The following RBFOX1 variants were observed in gnomAD, a reference collection of about 807,000 sequenced individuals.
RBFOX1 encodes the protein RNA binding fox-1 homolog 1.
Under a neutral mutation model 57.7 loss-of-function variants are expected in RBFOX1, and 8 were observed. The observed-to-expected ratio is 0.14, with a 90% CI of 0.08 to 0.25. RBFOX1 has a LOEUF of 0.25. Ranked by LOEUF, RBFOX1 falls within the 10% of genes least tolerant of loss-of-function variation. The probability of loss-of-function intolerance (pLI) is 1.00; values close to 1 mark genes in which losing one functional copy is unlikely to be tolerated. For missense variants in RBFOX1, 611 were observed against 548.5 expected, an observed-to-expected ratio of 1.11 and a Z score of -1.14; for synonymous variants, 326 against 222.4, an observed-to-expected ratio of 1.47 and a Z score of -4.15.
At chr16:6,748,644 G>T (rs183221757) in intron 3 of RBFOX1, among the ~76,000 whole-genome samples, 1 of 152,280 alleles carries the variant, frequency 6.6e-6, no homozygotes, top group Admixed American at 6.5e-5. Context: ...GAGCAACAAG[G>T]CAAGATCCTG....
chr16:7,546,936 AATGCAC>A (rs2084718376), intron 5 of RBFOX1, among the ~76,000 whole-genome samples: 1 of 152,156 alleles, frequency 6.6e-6, no homozygotes, highest in Admixed American at 6.5e-5. Flanking sequence ...AAAGAGTAAA[AATGCAC>A]ATTTTTTAAG....
intron 3 of RBFOX1, among the ~76,000 whole-genome samples, chr16:6,724,253 A>G (rs2066653826): frequency 7.4e-6 from 1 of 134,610 alleles, no homozygotes; most frequent in Non-Finnish European, 1.5e-5. Flanking sequence ...CTTGTCACCC[A>G]TGCTGGTGTG....
intron 3 of RBFOX1, among the ~76,000 whole-genome samples, chr16:5,616,628 C>G (rs1428114326): frequency 6.8e-6 from 1 of 147,714 alleles, no homozygotes; most frequent in Non-Finnish European, 1.5e-5. Context: ...CTCTCTCTCC[C>G]TCCTCCTCCT....
chr16:7,084,389 A>G (rs947617634), intron 4 of RBFOX1, among the ~76,000 whole-genome samples: 2 of 152,180 alleles, frequency 1.3e-5, no homozygotes, highest in African/African-American at 4.8e-5. Flanking sequence ...TATTTGAACA[A>G]ATAATCTTGC....
chr16:6,885,024 T>C (rs1567711355), intron 3 of RBFOX1, among the ~76,000 whole-genome samples: 1 of 152,226 alleles, frequency 6.6e-6, no homozygotes, highest in Non-Finnish European at 1.5e-5. Flanking sequence ...ACTGTCATGT[T>C]TTAGAAAAGC....
chr16:7,219,275 T>C (rs1281515419), intron 4 of RBFOX1, among the ~76,000 whole-genome samples: 1 of 152,226 alleles, frequency 6.6e-6, no homozygotes, highest in Non-Finnish European at 1.5e-5. Flanking sequence ...TTTGGCATAT[T>C]GTGCCAAAGT....
At chr16:5,371,184 G>T (rs1173260672) in intron 1 of RBFOX1, among the ~76,000 whole-genome samples, 1 of 151,610 alleles carries the variant, frequency 6.6e-6, no homozygotes, top group Non-Finnish European at 1.5e-5. Flanking sequence ...CTGACCTCAG[G>T]TGATCCGCCC....
intron 3 of RBFOX1, among the ~76,000 whole-genome samples, chr16:6,975,984 A>C (rs141706363): frequency 0.015 from 2,207 of 152,088 alleles, 75 homozygotes; most frequent in African/African-American, 0.051. Context: ...AAAATTAGCC[A>C]GGCATGGTGG....
chr16:5,939,616 C>A (rs1002318045), intron 4 of RBFOX1, among the ~76,000 whole-genome samples: 1 of 152,150 alleles, frequency 6.6e-6, no homozygotes, highest in Admixed American at 6.5e-5. Flanking sequence ...TTGGAAGTCA[C>A]CCACTGTCAC....
intron 4 of RBFOX1, among the ~76,000 whole-genome samples, chr16:7,222,933 C>T (rs1168403500): frequency 1.3e-5 from 2 of 152,058 alleles, no homozygotes; most frequent in Admixed American, 6.6e-5. Context: ...CTCTCATTTG[C>T]AGCGATTTTT....
At chr16:7,391,369 G>C (rs2098016551) in intron 4 of RBFOX1, among the ~76,000 whole-genome samples, 1 of 152,170 alleles carries the variant, frequency 6.6e-6, no homozygotes, top group Non-Finnish European at 1.5e-5. Flanking sequence ...GATCTCCAAG[G>C]ATACCAATTA....
intron 1 of RBFOX1, among the ~76,000 whole-genome samples, chr16:5,415,709 A>C (rs967264125): frequency 4.6e-5 from 7 of 152,224 alleles, no homozygotes; most frequent in African/African-American, 1.7e-4. Flanking sequence ...CTTCCTCTAA[A>C]AGTAAATGTG....
At chr16:7,665,072 C>T (rs904159650) in intron 13 of RBFOX1, 104 bp downstream of exon 13, 2 of 1,605,464 alleles carry the variant, frequency 1.2e-6, no homozygotes, top group African/African-American at 2.7e-5. Flanking sequence ...AGTTTCTCTC[C>T]TTGGTCTGTA....
At chr16:5,948,741 A>G (rs1161856734) in intron 4 of RBFOX1, among the ~76,000 whole-genome samples, 3 of 152,154 alleles carry the variant, frequency 2.0e-5, no homozygotes, top group East Asian at 3.9e-4. Context: ...CAGTGCTTTG[A>G]TTTCAGACTT....
At chr16:6,149,189 A>G (rs772338518) in intron 1 of RBFOX1, among the ~76,000 whole-genome samples, 2 of 152,198 alleles carry the variant, frequency 1.3e-5, no homozygotes, top group Non-Finnish European at 2.9e-5. Flanking sequence ...AGTAAAATCA[A>G]TTAAGTTCTT....
chr16:7,705,516 A>G (rs2082153375), intron 14 of RBFOX1, among the ~76,000 whole-genome samples: 1 of 152,216 alleles, frequency 6.6e-6, no homozygotes, highest in East Asian at 1.9e-4. Flanking sequence ...AAAATATTAA[A>G]TTTTTTAAAA....
intron 2 of RBFOX1, among the ~76,000 whole-genome samples, chr16:6,339,357 A>G (rs181639964): frequency 3.0e-4 from 45 of 152,318 alleles, no homozygotes; most frequent in Non-Finnish European, 5.4e-4. Flanking sequence ...CAGCAAGTCA[A>G]TAGGAGACAC....
chr16:6,926,696 A>G (rs1450350646), intron 3 of RBFOX1, among the ~76,000 whole-genome samples: 1 of 152,170 alleles, frequency 6.6e-6, no homozygotes, highest in African/African-American at 2.4e-5. Context: ...AATGCTACTT[A>G]GCTCTTCTTC....
chr16:7,142,783 C>G (rs8060707), intron 4 of RBFOX1, among the ~76,000 whole-genome samples: 1 of 152,292 alleles, frequency 6.6e-6, no homozygotes, highest in South Asian at 2.1e-4. Flanking sequence ...TTACACCGTT[C>G]TGAACACAGT....
Sources: allele counts gnomAD v4.1 joint callset (sites outside exome capture counted in the v4.1 genomes callset), GRCh38; gene constraint gnomAD v4.1.1; transcripts MANE v1.5; gene names NCBI Gene and HGNC (gene_info 2026-07-23, HGNC 2026-07-21).